ADGRV1: variants seen among roughly 807,000 people sequenced by gnomAD.
ADGRV1 encodes adhesion G protein-coupled receptor V1.
Under a neutral mutation model 596.2 loss-of-function variants are expected in ADGRV1, and 359 were observed. That is an observed-to-expected ratio of 0.60 (90% CI 0.55 to 0.66). ADGRV1 has a LOEUF of 0.66. Ranked by LOEUF, ADGRV1 falls within the 30% of genes least tolerant of loss-of-function variation. The pLI, the probability that ADGRV1 is intolerant of heterozygous loss-of-function variation, is 0.00. For missense variants in ADGRV1, 7,274 were observed against 7,575.6 expected (o/e 0.96, Z 1.48); for synonymous variants, 2,681 against 2,679.2 (o/e 1.00, Z -0.02).
intron 89 of ADGRV1, among the ~76,000 whole-genome samples, chr5:91,162,309 C>A (rs4916848): frequency 0.68 from 102,908 of 152,026 alleles, 36,830 homozygotes; most frequent in Non-Finnish European, 0.8. Flanking sequence ...AAAAGAGAAT[C>A]ATCATGTTTC....
intron 87 of ADGRV1, among the ~76,000 whole-genome samples, chr5:91,112,353 C>T (rs1284268877): frequency 1.3e-5 from 2 of 151,992 alleles, no homozygotes; most frequent in Non-Finnish European, 2.9e-5. Context: ...GTGATTTTTC[C>T]ATTTTCTGAG....
At chr5:90,583,752 T>TA (rs1228658396) in intron 1 of ADGRV1, among the ~76,000 whole-genome samples, 2 of 152,190 alleles carry the variant, frequency 1.3e-5, no homozygotes. Flanking sequence ...AGTTAATCAC[T>TA]AGGTGTAAGG....
chr5:91,061,583 A>G (rs913406784), intron 85 of ADGRV1, among the ~76,000 whole-genome samples: 4 of 152,346 alleles, frequency 2.6e-5, no homozygotes, highest in African/African-American at 9.6e-5. Flanking sequence ...TTTAATATCA[A>G]ATGAAATCAA....
intron 1 of ADGRV1, among the ~76,000 whole-genome samples, chr5:90,579,310 T>C (rs1157640536): frequency 6.6e-6 from 1 of 152,238 alleles, no homozygotes; most frequent in Non-Finnish European, 1.5e-5. Flanking sequence ...GTTGTGTCTT[T>C]GTTCTCATTG....
intron 78 of ADGRV1, among the ~76,000 whole-genome samples, chr5:90,842,385 G>A (rs1172018815): frequency 6.6e-6 from 1 of 151,928 alleles, no homozygotes; most frequent in South Asian, 2.1e-4. Context: ...AAATAACCTG[G>A]GAATACTTGG....
chr5:90,705,626 T>A, intron 37 of ADGRV1, 47 bp downstream of exon 37: 1 of 1,476,574 alleles, frequency 6.8e-7, no homozygotes, highest in Non-Finnish European at 9.3e-7. Flanking sequence ...AAGTGCTTAT[T>A]AATATTCTAC....
At chr5:90,667,729 C>T (rs1771687453) in intron 21 of ADGRV1, among the ~76,000 whole-genome samples, 1 of 152,126 alleles carries the variant, frequency 6.6e-6, no homozygotes, top group Non-Finnish European at 1.5e-5. Context: ...GTTTTTTCCC[C>T]ATCTTTGTGG....
In ADGRV1 at chr5:90,753,651, G is replaced by A; in HGVS notation, c.11199G>A (p.Glu3733=). ...ILADNIPELS[E]VVIVTLTRIT... ...CTGATAATATACCAGAGTTATCAGA[G>A]GTTGTGATTGTAACCCTCACCCGTA... is the stretch of plus-strand genomic sequence containing the variant. Residue 3733 remains glutamate (E), a synonymous_variant, in exon 54 of 90, where the codon GAG becomes GAA. Coordinates refer to ENST00000405460, the MANE Select transcript of ADGRV1 (RefSeq NM_032119.4). 1 of 1,613,410 alleles carries A rather than the reference G, an allele frequency of 6.2e-7. No individual in the cohort carries two copies. The highest frequency in any genetic ancestry group is 8.5e-7 in the Non-Finnish European group (1 of 1,179,480).
intron 1 of ADGRV1, among the ~76,000 whole-genome samples, chr5:90,596,832 CGAGGGA>C (rs1450824787): frequency 6.7e-6 from 1 of 148,700 alleles, no homozygotes; most frequent in African/African-American, 2.5e-5. Context: ...AGGGAGAGGG[CGAGGGA>C]GAGGGAGAGC....
chr5:90,879,434 TA>T (rs1769541121), intron 83 of ADGRV1, among the ~76,000 whole-genome samples: 3 of 152,170 alleles, frequency 2.0e-5, no homozygotes, highest in South Asian at 4.1e-4. Context: ...GTTATGGAAG[TA>T]AAACAGTTAT....
At chr5:91,012,979 G>A (rs1017919638) in intron 85 of ADGRV1, among the ~76,000 whole-genome samples, 1 of 151,928 alleles carries the variant, frequency 6.6e-6, no homozygotes, top group African/African-American at 2.4e-5. Flanking sequence ...GCAGTATTTG[G>A]TTTTCTCTTC....
At chr5:91,105,320 A>G (rs919343368) in intron 87 of ADGRV1, among the ~76,000 whole-genome samples, 2 of 152,178 alleles carry the variant, frequency 1.3e-5, no homozygotes, top group Non-Finnish European at 2.9e-5. Context: ...TGTCTCTTCA[A>G]TACACTGATT....
chr5:91,030,721 A>T (rs1056061710), intron 85 of ADGRV1, among the ~76,000 whole-genome samples: 6 of 152,224 alleles, frequency 3.9e-5, no homozygotes, highest in Admixed American at 1.3e-4. Flanking sequence ...GAATTCAGGT[A>T]CTTAGTCAAG....
At chr5:90,967,939 C>A (rs541876173) in intron 84 of ADGRV1, among the ~76,000 whole-genome samples, 3 of 152,162 alleles carry the variant, frequency 2.0e-5, no homozygotes, top group Non-Finnish European at 2.9e-5. Context: ...GACATGTTTA[C>A]GTTGTAATTT....
At chr5:91,024,554 T>G (rs1346104368) in intron 85 of ADGRV1, among the ~76,000 whole-genome samples, 2 of 152,182 alleles carry the variant, frequency 1.3e-5, no homozygotes, top group East Asian at 3.9e-4. Context: ...ACAAAATGAT[T>G]TAAAAATACA....
intron 85 of ADGRV1, among the ~76,000 whole-genome samples, chr5:91,029,916 T>C (rs1330194247): frequency 6.6e-6 from 1 of 152,142 alleles, no homozygotes; most frequent in Non-Finnish European, 1.5e-5. Context: ...TTCTAAACTA[T>C]TTAAAGTTTT....
chr5:90,691,384 CTTTTTTT>C (rs34426784), intron 31 of ADGRV1, among the ~76,000 whole-genome samples: 2 of 123,452 alleles, frequency 1.6e-5, no homozygotes, highest in African/African-American at 3.2e-5. Flanking sequence ...AAACTTTTTT[CTTTTTTT>C]TTTTTTTTTT....
At chr5:91,159,638 G>A (rs541011897) in intron 89 of ADGRV1, among the ~76,000 whole-genome samples, 3 of 151,802 alleles carry the variant, frequency 2.0e-5, no homozygotes, top group Non-Finnish European at 2.9e-5. Flanking sequence ...GAAGTACATC[G>A]GCACTTCCAC....
chr5:90,568,829 T>C (rs867821015), intron 1 of ADGRV1, among the ~76,000 whole-genome samples: 1 of 152,210 alleles, frequency 6.6e-6, no homozygotes, highest in South Asian at 2.1e-4. Flanking sequence ...TTGTTACATC[T>C]TTCTGATAAA....
Sources: gnomAD v4.1 joint callset for allele counts (sites outside exome capture counted in the v4.1 genomes callset) on GRCh38, gnomAD v4.1.1 for gene constraint, MANE v1.5 for transcripts, NCBI Gene and HGNC (gene_info 2026-07-23, HGNC 2026-07-21) for gene names.